RNF157: variants seen among roughly 807,000 people sequenced by gnomAD.
The protein encoded by RNF157 is ring finger protein 157, also known as E3 ubiquitin ligase RNF157.
RNF157 carries 55 observed loss-of-function variants against 88.3 expected under a neutral mutation model. That is an observed-to-expected ratio of 0.62 (90% CI 0.50 to 0.78). The LOEUF (loss-of-function observed/expected upper bound fraction) is 0.78. Among genes scored for constraint, RNF157 ranks in the 30% least tolerant of loss-of-function variants. The pLI, the probability that RNF157 is intolerant of heterozygous loss-of-function variation, is 0.00. For synonymous variants in RNF157, 334 were observed against 341.2 expected (o/e 0.98, Z 0.23); for missense variants, 788 against 860.8 (o/e 0.92, Z 1.06).
intron 1 of RNF157, among the ~76,000 whole-genome samples, chr17:76,217,215 G>A (rs1160730299): frequency 6.6e-6 from 1 of 151,622 alleles, no homozygotes; most frequent in African/African-American, 2.4e-5. Flanking sequence ...TCACCATGTT[G>A]GCCAGGCTGG....
chr17:76,173,645 C>T (rs2069054958), intron 3 of RNF157, 57 bp downstream of exon 3: 12 of 1,348,612 alleles, frequency 8.9e-6, no homozygotes, highest in Non-Finnish European at 1.3e-5. Context: ...GTCCCCCAGC[C>T]CCCAGCCTCC....
chr17:76,155,183 C>A (rs1206314939), intron 16 of RNF157, 69 bp downstream of exon 16: 2 of 1,400,012 alleles, frequency 1.4e-6, no homozygotes, highest in Non-Finnish European at 2.0e-6. Context: ...TCCTTACTGG[C>A]ATCCCCAGCC....
At chr17:76,200,063 C>G (rs2069547256) in intron 2 of RNF157, among the ~76,000 whole-genome samples, 2 of 151,900 alleles carry the variant, frequency 1.3e-5, no homozygotes, top group Non-Finnish European at 2.9e-5. Flanking sequence ...TAGTGAAACC[C>G]CGTCTCTATT....
intron 2 of RNF157, among the ~76,000 whole-genome samples, chr17:76,181,680 G>A (rs1209761510): frequency 1.3e-5 from 2 of 151,956 alleles, no homozygotes; most frequent in African/African-American, 4.8e-5. Context: ...AGCCGAGACA[G>A]GCAGATCACC....
In RNF157 at chr17:76,146,533, G is replaced by A. The variant is rs1293335599; in HGVS notation, c.1922-1180C>T. 14 of 985,456 alleles carry A rather than the reference G, an allele frequency of 1.4e-5. No individual in the cohort carries two copies. The highest frequency in any genetic ancestry group is 1.6e-5 in the Non-Finnish European group (13 of 829,922). 61.0% of individuals were successfully genotyped at this position (985,456 alleles called of 1,614,324 possible). A position where few individuals can be genotyped will look rare whatever the true frequency, so the allele number is the denominator to read the frequency against. On this transcript the variant is annotated intron_variant, in intron 18 of 18. Transcript: ENST00000269391. The surrounding 1 kb of genome is among the most constrained non-coding windows in gnomAD (Gnocchi z 4.2). The stretch of plus-strand genomic sequence containing the variant: ...AGGGTCCCCTGGCTCCCTGGGGTAG[G>A]GAAGGCATGTCGTCCTCCGGACCCT...
chr17:76,156,860 G>GT (rs2068773063), intron 13 of RNF157, among the ~76,000 whole-genome samples: 1 of 152,058 alleles, frequency 6.6e-6, no homozygotes, highest in Non-Finnish European at 1.5e-5. Flanking sequence ...AGCCTCACCC[G>GT]TCCAAGATGG....
At position 76,161,624 on chromosome 17, in the gene RNF157, G is replaced by A. The variant is rs567829095; in HGVS notation, c.976C>T (p.Arg326Ter). ...RLPFRALLQI[R>*]AMRKKLGPLS... ...GGGCCCAATTTTTTCCTCATGGCTCGGATCTGAAGCAGTGCCCGGAAGGCT... is the reference window on the plus strand; with the variant it reads ...GGGCCCAATTTTTTCCTCATGGCTCAGATCTGAAGCAGTGCCCGGAAGGCT... The change falls in exon 11 of 19, where the codon CGA becomes TGA. Residue 326 changes from arginine to a stop codon, truncating the protein, a stop_gained. Coordinates refer to ENST00000269391, the MANE Select transcript of RNF157 (RefSeq NM_052916.3). LOFTEE classifies it high-confidence loss of function. This position sits in a 1 kb window ranked among gnomAD's most constrained non-coding sequence, Gnocchi z 4.6. The A allele has an allele frequency of 9.3e-6, 15 of 1,614,068 alleles. No individual in the cohort carries two copies. The highest frequency in any genetic ancestry group is 1.7e-4 in the Middle Eastern group (1 of 6,050).
intron 18 of RNF157, among the ~76,000 whole-genome samples, chr17:76,147,801 C>A (rs1429499014): frequency 2.6e-5 from 4 of 152,262 alleles, no homozygotes; most frequent in Non-Finnish European, 5.9e-5. Flanking sequence ...TGAATCCAGG[C>A]CCCTCCAGCC....
chr17:76,166,651 G>C, intron 5 of RNF157, 124 bp from the exon 6 acceptor site: 1 of 810,290 alleles, frequency 1.2e-6, no homozygotes, highest in Non-Finnish European at 2.0e-6. Context: ...TCATTCTTTA[G>C]CCTTGTTAAT....
In RNF157 at chr17:76,146,182, A is replaced by C. The variant is rs1235561453; in HGVS notation, c.1922-829T>G. On this transcript the variant is annotated intron_variant, in intron 18 of 18. Coordinates refer to ENST00000269391, the MANE Select transcript of RNF157 (RefSeq NM_052916.3). The surrounding 1 kb of genome is among the most constrained non-coding windows in gnomAD (Gnocchi z 4.2). ...CTGGCCGTGTTGTGACTCCATCTGT[A>C]GTCACGCTAACCTGGGCTCCACTCC... The C allele has an allele frequency of 4.8e-5, 9 of 188,246 alleles. No homozygotes were observed. The highest frequency in any genetic ancestry group is 3.0e-5 in the Non-Finnish European group (3 of 101,310). The allele number at this position is 188,246 out of a possible 1,614,324, so 11.7% of individuals were successfully genotyped here.
At chr17:76,236,612 A>T (rs2070286100) in intron 1 of RNF157, among the ~76,000 whole-genome samples, 1 of 152,254 alleles carries the variant, frequency 6.6e-6, no homozygotes, top group African/African-American at 2.4e-5. Context: ...TATTACTTAA[A>T]TGATTAATAT....
At chr17:76,171,186 C>A (rs1038519413) in intron 3 of RNF157, among the ~76,000 whole-genome samples, 3 of 149,088 alleles carry the variant, frequency 2.0e-5, no homozygotes, top group African/African-American at 7.5e-5. Flanking sequence ...GCCACTGCAC[C>A]GGGCCTTATT....
rs184420105 is a variant in RNF157 at position 76,223,186 on chromosome 17, G to A, written c.89-10704C>T. On this transcript the variant is annotated intron_variant, in intron 1 of 18. Transcript: ENST00000269391. Reference sequence around the variant, plus strand: ...ATTACAGGGGTGAGCCACCGCACCCGGCCTTTTTTTTTTTTTTTTGAGACG... The same window carrying A: ...ATTACAGGGGTGAGCCACCGCACCCAGCCTTTTTTTTTTTTTTTTGAGACG... Among the ~76,000 whole-genome samples the A allele has an allele frequency of 6.3e-3, 940 of 150,376 alleles. 8 individuals are homozygous for A. Among genetic ancestry groups the A allele is most frequent in the African/African-American group, 0.021 (867 of 40,964 alleles).
rs770908155 is a variant in RNF157 at position 76,155,580 on chromosome 17, G to A, written c.1680C>T (p.Ala560=). Residue 560 remains alanine, a synonymous_variant, in exon 15 of 19, where the codon GCC becomes GCT. Transcript: ENST00000269391. Reference sequence around the variant, plus strand: ...CCCTTACCTCTCCTTCTTCTGAGGGGGCCCTGCTGGCAGGCTGGGGGGAAG... The same window carrying A: ...CCCTTACCTCTCCTTCTTCTGAGGGAGCCCTGCTGGCAGGCTGGGGGGAAG... ...ALSSPQPASR[A]PSEEGEGLPA... is the part of the protein sequence containing the mutation. 3 of 1,612,360 alleles carry A rather than the reference G, an allele frequency of 1.9e-6. No homozygotes were observed. The highest frequency in any genetic ancestry group is 1.3e-5 in the African/African-American group (1 of 74,820).
At chr17:76,158,627 AT>A in intron 12 of RNF157, 126 bp from the exon 13 acceptor site, 1 of 654,084 alleles carries the variant, frequency 1.5e-6, no homozygotes, top group Non-Finnish European at 2.8e-6. Context: ...ACAGCATCTC[AT>A]TATGTTTCCC....
chr17:76,185,694 C>T (rs1360301849), intron 2 of RNF157, among the ~76,000 whole-genome samples: 1 of 152,010 alleles, frequency 6.6e-6, no homozygotes, highest in Non-Finnish European at 1.5e-5. Context: ...TGGTCTCGAT[C>T]TCCTGACCTC....
chr17:76,211,600 T>C (rs1465190521), intron 2 of RNF157, among the ~76,000 whole-genome samples: 2 of 152,210 alleles, frequency 1.3e-5, no homozygotes, highest in African/African-American at 4.8e-5. Context: ...GCTTAGAACA[T>C]AGTGTGCACT....
Position 76,144,616 on chromosome 17 carries a change from T to A in RNF157, c.*619A>T, listed in dbSNP as rs2144776387. The A allele has an allele frequency of 6.6e-6, 1 of 152,468 alleles. No homozygotes were observed. The highest frequency in any genetic ancestry group is 3.4e-3 in the Middle Eastern group (1 of 298). The allele number at this position is 152,468 out of a possible 1,614,324, so 9.4% of individuals were successfully genotyped here. ...GCCACCGCGCCCGGCCAAGAGCTCCTTCTTAACCGCACAGGCATGTGAGGC... is the reference window on the plus strand; with the variant it reads ...GCCACCGCGCCCGGCCAAGAGCTCCATCTTAACCGCACAGGCATGTGAGGC... On this transcript the variant is annotated 3_prime_UTR_variant, in exon 19 of 19. Coordinates refer to ENST00000269391, the MANE Select transcript of RNF157 (RefSeq NM_052916.3).
intron 1 of RNF157, among the ~76,000 whole-genome samples, chr17:76,234,836 G>A (rs1433561133): frequency 6.6e-6 from 1 of 151,978 alleles, no homozygotes; most frequent in Admixed American, 6.6e-5. Flanking sequence ...AATCCATTTT[G>A]AGTTAATTTT....
Sources: gnomAD v4.1 joint callset for allele counts (sites outside exome capture counted in the v4.1 genomes callset) on GRCh38, gnomAD v4.1.1 for gene constraint, Gnocchi (gnomAD v3.1) non-coding constraint, MANE v1.5 for transcripts, NCBI Gene and HGNC (gene_info 2026-07-23, HGNC 2026-07-21) for gene names.